The following TRPC5 variants were observed in gnomAD, a reference collection of about 807,000 sequenced individuals.
TRPC5 encodes short transient receptor potential channel 5.
In TRPC5, 9 loss-of-function variants were observed where a neutral mutation model predicts 56.5. The observed-to-expected ratio is 0.16, with a 90% confidence interval of 0.10 to 0.28. TRPC5 has a LOEUF of 0.28. Ranked by LOEUF, TRPC5 falls within the 10% of genes least tolerant of loss-of-function variation. TRPC5 has a pLI of 1.00. For missense variants in TRPC5, 469 were observed against 748.9 expected, an observed-to-expected ratio of 0.63 and a Z score of 4.36; for synonymous variants, 282 against 278.5, an observed-to-expected ratio of 1.01 and a Z score of -0.13.
rs190282910 is a variant in TRPC5 at position 111,770,823 on chromosome X, C to G, written c.*5490G>C. ...TATATTGAACTTCTGGGAAAAGATA[C>G]AAAATGGCCAATCCCAGCTTAATTG... On this transcript the variant is annotated 3_prime_UTR_variant, in exon 11 of 11. Coordinates refer to ENST00000262839, the MANE Select transcript of TRPC5 (RefSeq NM_012471.3). Among the ~76,000 whole-genome samples the G allele has an allele frequency of 1.8e-5, 2 of 111,684 alleles. No homozygotes were observed. Among genetic ancestry groups the G allele is most frequent in the Admixed American group, 9.6e-5 (1 of 10,449 alleles).
chrX:112,043,674 G>T (rs1334081968), intron 1 of TRPC5, among the ~76,000 whole-genome samples: 2 of 108,355 alleles, frequency 1.8e-5, no homozygotes, highest in Non-Finnish European at 3.8e-5. Context: ...GCTAGAGATA[G>T]GGAACTCAAG....
At chrX:112,049,617 C>T (rs1930163741) in intron 1 of TRPC5, among the ~76,000 whole-genome samples, 1 of 109,015 alleles carries the variant, frequency 9.2e-6, no homozygotes, top group Non-Finnish European at 1.9e-5. Flanking sequence ...GATCCTCCCA[C>T]CTCAGCCTTC....
chrX:111,797,185 A>C (rs1921127635), intron 7 of TRPC5, among the ~76,000 whole-genome samples: 1 of 112,164 alleles, frequency 8.9e-6, no homozygotes, highest in Non-Finnish European at 1.9e-5. Context: ...TAGCAGATTG[A>C]GTCCAATAAT....
At chrX:111,966,596 C>A (rs1218689821) in intron 1 of TRPC5, among the ~76,000 whole-genome samples, 1 of 110,699 alleles carries the variant, frequency 9.0e-6, no homozygotes, top group African/African-American at 3.3e-5. Flanking sequence ...TACTGGCAAA[C>A]CGAATCCAGC....
At chrX:111,871,152 G>A (rs1923743520) in intron 3 of TRPC5, among the ~76,000 whole-genome samples, 1 of 111,510 alleles carries the variant, frequency 9.0e-6, no homozygotes, top group South Asian at 3.8e-4. Context: ...CTCATTTGTG[G>A]AGTGGGACTT....
At chrX:112,060,828 C>T (rs1007973408) in intron 1 of TRPC5, among the ~76,000 whole-genome samples, 1 of 112,578 alleles carries the variant, frequency 8.9e-6, no homozygotes, top group African/African-American at 3.2e-5. Context: ...AAAAGGGTTG[C>T]TTTGTTAGCT....
intron 3 of TRPC5, among the ~76,000 whole-genome samples, chrX:111,911,043 G>A (rs1043313225): frequency 6.2e-5 from 7 of 112,625 alleles, no homozygotes; most frequent in South Asian, 3.7e-4. Context: ...TAGCCCTTTC[G>A]ATCTCCATGT....
At chrX:112,081,423 C>G (rs1264349722) in intron 1 of TRPC5, among the ~76,000 whole-genome samples, 1 of 111,431 alleles carries the variant, frequency 9.0e-6, no homozygotes, top group Non-Finnish European at 1.9e-5. Flanking sequence ...CCTGAACCTT[C>G]ATGATCCGGC....
At chrX:112,037,033 T>C (rs1461797457) in intron 1 of TRPC5, among the ~76,000 whole-genome samples, 1 of 112,164 alleles carries the variant, frequency 8.9e-6, no homozygotes, top group Non-Finnish European at 1.9e-5. Flanking sequence ...GTGACTAAAT[T>C]GCAGTCTTCT....
chrX:111,980,911 G>GTATATATA (rs764889761), intron 1 of TRPC5, among the ~76,000 whole-genome samples: 5 of 93,875 alleles, frequency 5.3e-5, no homozygotes, highest in African/African-American at 1.7e-4. Context: ...TTATATATAT[G>GTATATATA]TATATATATA....
At chrX:112,048,364 G>A (rs1423477808) in intron 1 of TRPC5, among the ~76,000 whole-genome samples, 3 of 88,046 alleles carry the variant, frequency 3.4e-5, no homozygotes, top group Non-Finnish European at 6.2e-5. Flanking sequence ...TCGCGCCAGT[G>A]CACTTCAGCC....
chrX:111,899,380 C>T (rs944758662), intron 3 of TRPC5, among the ~76,000 whole-genome samples: 1 of 110,927 alleles, frequency 9.0e-6, no homozygotes, highest in Non-Finnish European at 1.9e-5. Context: ...TTTGATGAAT[C>T]AAATATAATT....
At chrX:112,079,886 A>T (rs1482696336) in intron 1 of TRPC5, among the ~76,000 whole-genome samples, 4 of 111,341 alleles carry the variant, frequency 3.6e-5, no homozygotes, top group Admixed American at 9.5e-5. Flanking sequence ...AACCATCAGG[A>T]CTTACCTCAA....
At chrX:111,909,373 T>A (rs975982452) in intron 3 of TRPC5, among the ~76,000 whole-genome samples, 35 of 108,442 alleles carry the variant, frequency 3.2e-4, no homozygotes, top group Admixed American at 2.8e-3. Context: ...TTAATTAATT[T>A]TTTAAGTGTG....
chrX:111,878,308 G>A (rs73546187), intron 3 of TRPC5, among the ~76,000 whole-genome samples: 26,264 of 108,302 alleles, frequency 0.24, 7,397 homozygotes, highest in African/African-American at 0.81. Context: ...TGTAGAAAAA[G>A]AAAAAGAAAA....
At chrX:111,990,425 A>G (rs1928323961) in intron 1 of TRPC5, among the ~76,000 whole-genome samples, 1 of 111,064 alleles carries the variant, frequency 9.0e-6, no homozygotes, top group African/African-American at 3.3e-5. Flanking sequence ...CTCAAAAATA[A>G]TAATAATAAT....
intron 7 of TRPC5, among the ~76,000 whole-genome samples, chrX:111,822,443 T>C (rs1220267256): frequency 1.8e-5 from 2 of 112,519 alleles, no homozygotes. Context: ...TTTGCTAATA[T>C]ATGCTTTTTT....
At chrX:111,825,182 T>C (rs867344774) in intron 7 of TRPC5, among the ~76,000 whole-genome samples, 109 of 86,726 alleles carry the variant, frequency 1.3e-3, no homozygotes, top group African/African-American at 4.8e-3. Flanking sequence ...TTTCTTTCTT[T>C]CTTTCTTTCT....
At chrX:112,035,548 C>G (rs1929713651) in intron 1 of TRPC5, among the ~76,000 whole-genome samples, 1 of 110,638 alleles carries the variant, frequency 9.0e-6, no homozygotes, top group South Asian at 3.9e-4. Flanking sequence ...GAGATGATTT[C>G]TAACTCAGCA....
Sources: gnomAD v4.1 joint callset for allele counts (sites outside exome capture counted in the v4.1 genomes callset) on GRCh38, gnomAD v4.1.1 for gene constraint, MANE v1.5 for transcripts, NCBI Gene and HGNC (gene_info 2026-07-23, HGNC 2026-07-21) for gene names.